Variants in TTN observed in about 807,000 individuals in gnomAD.
TTN encodes the protein connectin.
Under a neutral mutation model 3,223.0 loss-of-function variants are expected in TTN, and 1,525 were observed. That is an observed-to-expected ratio of 0.47 (90% CI 0.45 to 0.49). The LOEUF (loss-of-function observed/expected upper bound fraction) is 0.49, where lower values mean the gene tolerates loss of function less well. TTN is among the 20% of genes least tolerant of loss of function. The probability of loss-of-function intolerance (pLI) is 0.00; values close to 1 mark genes in which losing one functional copy is unlikely to be tolerated. For synonymous variants in TTN, 14,094 were observed against 15,161.0 expected (o/e 0.93, Z 5.17); for missense variants, 40,786 against 43,424.0 (o/e 0.94, Z 5.40).
intron 100 of TTN, 58 bp from the exon 101 acceptor site, chr2:178,707,012 C>A (rs2075988734): frequency 6.9e-7 from 1 of 1,442,802 alleles, no homozygotes; most frequent in Non-Finnish European, 9.4e-7. Context: ...CAATACATAT[C>A]CCCCTTTGTA....
At position 178,554,847 on chromosome 2, in the gene TTN, T is replaced by C. The variant is rs1052933089; in HGVS notation, c.88594+18A>G. The stretch of plus-strand genomic sequence containing the variant: ...TTAGGCAAATGTAATATGACAGTGG[T>C]CTGTATTCAGCACCTACCAAGGATC... On this transcript the variant is annotated intron_variant, in intron 331 of 362. Transcript: ENST00000589042. 1.2e-6 allele frequency: 2 copies of C among 1,613,512 alleles called. No homozygotes were observed. The highest frequency in any genetic ancestry group is 1.7e-6 in the Non-Finnish European group (2 of 1,179,774).
intron 47 of TTN, chr2:178,750,360 T>C (rs1470492092): frequency 2.5e-6 from 4 of 1,613,232 alleles, no homozygotes; most frequent in Admixed American, 3.3e-5. Flanking sequence ...ACACAAGTAA[T>C]AGAACCTTCA....
rs756355325 is a variant in TTN at position 178,701,519 on chromosome 2, G to C, written c.30598+9C>G. 1 of 1,611,420 alleles carries C rather than the reference G, an allele frequency of 6.2e-7. No individual in the cohort carries two copies. Reference sequence around the variant, plus strand: ...CTCCAAGCTCAGATGTTGAGGTTCTGGGTCTTACCTTCTGGTGGCACTGCT... The same window carrying C: ...CTCCAAGCTCAGATGTTGAGGTTCTCGGTCTTACCTTCTGGTGGCACTGCT... On this transcript the variant is annotated intron_variant, in intron 110 of 362. Transcript: ENST00000589042.
At chr2:178,783,813 A>G (rs921343662) in intron 16 of TTN, 28 bp from the exon 17 acceptor site, 7 of 1,589,578 alleles carry the variant, frequency 4.4e-6, no homozygotes, top group African/African-American at 1.3e-5. Flanking sequence ...ATATTACAAA[A>G]TGCTCATGAA....
chr2:178,707,844 C>A (rs1560540430), intron 99 of TTN, 31 bp from the exon 100 acceptor site: 13 of 1,535,758 alleles, frequency 8.5e-6, no homozygotes, highest in Admixed American at 4.2e-5. Flanking sequence ...TCATGAGGAA[C>A]ATAAAGGCAA....
At position 178,620,979 on chromosome 2, in the gene TTN, C is replaced by T. The variant is rs1387120198; in HGVS notation, c.45631G>A (p.Val15211Ile). The T allele has an allele frequency of 1.2e-5, 19 of 1,610,586 alleles. No homozygotes were observed. Among genetic ancestry groups the T allele is most frequent in the Middle Eastern group, 1.7e-4 (1 of 6,058 alleles). Reference protein sequence around the residue: ...HLTVIEKLRIVVPLKDTRVKE... With the variant: ...HLTVIEKLRIIVPLKDTRVKE... ...ACCCGGGTGTCCTTAAGAGGAACTACGATCCTGAGTTTTTCTGAAAGCAAC... is the reference window on the plus strand; with the variant it reads ...ACCCGGGTGTCCTTAAGAGGAACTATGATCCTGAGTTTTTCTGAAAGCAAC... The change falls in exon 247 of 363, where the codon GTA becomes ATA. Residue 15211 changes from valine (V) to isoleucine (I), a missense_variant. Transcript: ENST00000589042.
At position 178,551,993 on chromosome 2, in the gene TTN, T is replaced by C. The variant is rs749521838; in HGVS notation, c.90907A>G (p.Asn30303Asp). ...AGTGGTTGGCTGACTCCGTATCTGTTTTCTGCTCTCACTCTAAACTGGTAC... is the reference window on the plus strand; with the variant it reads ...AGTGGTTGGCTGACTCCGTATCTGTCTTCTGCTCTCACTCTAAACTGGTAC... ...AEYQFRVRAENRYGVSQPLVS... is the reference protein window; with the variant it reads ...AEYQFRVRAEDRYGVSQPLVS... Residue 30303 changes from asparagine to aspartate, a missense_variant, in exon 335 of 363, where the codon AAC (asparagine) becomes GAC (aspartate). Physicochemically the swap from Asn to Asp is conservative, Grantham distance 23. Coordinates refer to ENST00000589042, the MANE Select transcript of TTN (RefSeq NM_001267550.2). 1 of 1,611,976 alleles carries C rather than the reference T, an allele frequency of 6.2e-7. No individual in the cohort carries two copies. The highest frequency in any genetic ancestry group is 1.1e-5 in the South Asian group (1 of 90,994).
At position 178,756,262 on chromosome 2, in the gene TTN, A is replaced by G; in HGVS notation, c.11214T>C (p.Cys3738=). 6.2e-7 allele frequency: 1 copy of G among 1,613,530 alleles called. No homozygotes were observed. Among genetic ancestry groups the G allele is most frequent in the Non-Finnish European group, 8.5e-7 (1 of 1,179,510 alleles). Residue 3738 remains cysteine (C), a synonymous_variant, in exon 46 of 363, where the codon TGT becomes TGC. Transcript: ENST00000589042. ...GLYSCIVHND[C]GERTTSAVLS... ...GTACTGCTGACGTTGTCCTCTCTCC[A>G]CAGTCATTGTGTACAATGCAGCTGT...
intron 288 of TTN, 89 bp downstream of exon 288, chr2:178,600,765 G>T (rs1160562331): frequency 1.4e-6 from 2 of 1,478,880 alleles, no homozygotes; most frequent in Non-Finnish European, 1.9e-6. Context: ...CTAAGGTACA[G>T]ATATAGCTCT....
chr2:178,693,377 G>A (rs1035668825), intron 119 of TTN, among the ~76,000 whole-genome samples: 5 of 151,998 alleles, frequency 3.3e-5, no homozygotes, highest in African/African-American at 4.8e-5. Context: ...AACAGGTTAC[G>A]AGATTGCAAA....
chr2:178,672,058 GTTC>G lies in TTN; in HGVS notation c.35137_35139del (p.Glu11713del), dbSNP rs1462238763. On this transcript the variant is annotated inframe_deletion, in exon 155 of 363. Coordinates refer to ENST00000589042, the MANE Select transcript of TTN (RefSeq NM_001267550.2). ...ACCCTATGAACTTTTTCAACTCTGT[GTTC>G]TTCTTCAACTCTATGTTGTTCTAAT... The G allele has an allele frequency of 2.5e-6, 4 of 1,611,116 alleles. No homozygotes were observed. Among genetic ancestry groups the G allele is most frequent in the African/African-American group, 2.7e-5 (2 of 74,714 alleles).
At chr2:178,804,720 G>T in intron 1 of TTN, 65 bp from the exon 2 acceptor site, 1 of 1,436,588 alleles carries the variant, frequency 7.0e-7, no homozygotes, top group Non-Finnish European at 9.7e-7. Flanking sequence ...CTGCTTTGCA[G>T]ATAGCAGAGA....
In TTN at chr2:178,530,343, AGTAACAATTACTG is replaced by A; in HGVS notation, c.106259_106271del (p.Pro35420LeufsTer54). The A allele has an allele frequency of 4.3e-6, 7 of 1,614,000 alleles. No homozygotes were observed. Among genetic ancestry groups the A allele is most frequent in the Non-Finnish European group, 5.9e-6 (7 of 1,179,874 alleles). Reference sequence around the variant, plus strand: ...AAGAAACAGTTGTATCCTGCAACCCAGTAACAATTACTGGTTTTGAGGAAATTGGTTCAGGAGC... The same window carrying A: ...AAGAAACAGTTGTATCCTGCAACCCAGTTTTGAGGAAATTGGTTCAGGAGC... On this transcript the variant is annotated frameshift_variant, in exon 358 of 363. Coordinates refer to ENST00000589042, the MANE Select transcript of TTN (RefSeq NM_001267550.2). LOFTEE classifies it high-confidence loss of function.
chr2:178,702,418 A>G (rs747605712), intron 107 of TTN, 36 bp downstream of exon 107: 29 of 1,612,412 alleles, frequency 1.8e-5, no homozygotes, highest in Middle Eastern at 1.8e-4. Flanking sequence ...CGAGGCTTAA[A>G]TTATACATTC....
In TTN at chr2:178,715,622, T is replaced by C. The variant is rs1180662147; in HGVS notation, c.25792A>G (p.Met8598Val). The change falls in exon 89 of 363, where the codon ATG (methionine) becomes GTG (valine). Residue 8598 changes from methionine (M) to valine (V), a missense_variant. By Grantham distance (21) the Met-to-Val change is conservative. Coordinates refer to ENST00000589042, the MANE Select transcript of TTN (RefSeq NM_001267550.2). ...TEIQESSKFR[M>V]SFVDSVAVLE... is the part of the protein sequence containing the mutation. ...ACAGCCACCGAGTCAACGAATGACATTCTGAATTTACTGCTCTCTTGAATT... is the reference window on the plus strand; with the variant it reads ...ACAGCCACCGAGTCAACGAATGACACTCTGAATTTACTGCTCTCTTGAATT... 1 of 1,613,482 alleles carries C rather than the reference T, an allele frequency of 6.2e-7. No homozygotes were observed. The highest frequency in any genetic ancestry group is 8.5e-7 in the Non-Finnish European group (1 of 1,179,674).
chr2:178,695,462 T>C (rs550187067), intron 114 of TTN, 52 bp from the exon 115 acceptor site: 1 of 1,427,430 alleles, frequency 7.0e-7, no homozygotes, highest in East Asian at 2.3e-5. Flanking sequence ...GTAAGTTCTC[T>C]TAGGTTGTTA....
chr2:178,732,229 A>G lies in TTN; in HGVS notation c.16740T>C (p.Asn5580=), dbSNP rs1433627079. 2 of 1,613,790 alleles carry G rather than the reference A, an allele frequency of 1.2e-6. No homozygotes were observed. Among genetic ancestry groups the G allele is most frequent in the South Asian group, 1.1e-5 (1 of 91,070 alleles). ...TPPIKITWFA[N]DREIKESSKH... ...TGCTGCTCTCCTTAATTTCTCTATC[A>G]TTTGCAAACCATGTTATTTTAATTG... is the stretch of plus-strand genomic sequence containing the variant. The change falls in exon 57 of 363, where the codon AAT becomes AAC. Residue 5580 remains asparagine, a synonymous_variant. Transcript: ENST00000589042.
chr2:178,677,191 G>A lies in TTN; in HGVS notation c.34378+10C>T. On this transcript the variant is annotated intron_variant, in intron 147 of 362. Transcript: ENST00000589042. ...GGTGAACAATGTGTATTCACTTTGG[G>A]GAGGTGTACCTTTGGGTGGTGGTGG... 2 of 1,224,208 alleles carry A rather than the reference G, an allele frequency of 1.6e-6. No homozygotes were observed. The highest frequency in any genetic ancestry group is 3.2e-5 in the East Asian group (1 of 31,260). 75.8% of individuals were successfully genotyped at this position (1,224,208 alleles called of 1,614,324 possible).
intron 122 of TTN, 79 bp from the exon 123 acceptor site, chr2:178,689,674 G>T (rs771836135): frequency 1.4e-6 from 2 of 1,452,696 alleles, no homozygotes; most frequent in Non-Finnish European, 9.4e-7. Context: ...GAAAGCAGAC[G>T]GGTGGACAGA....
Sources: gnomAD v4.1 joint callset for allele counts (sites outside exome capture counted in the v4.1 genomes callset) on GRCh38, gnomAD v4.1.1 for gene constraint, MANE v1.5 for transcripts, NCBI Gene and HGNC (gene_info 2026-07-23, HGNC 2026-07-21) for gene names.